The following GPC6 variants were observed in gnomAD, a reference collection of about 807,000 sequenced individuals.
The protein encoded by GPC6 is glypican-6.
Under a neutral mutation model 55.2 loss-of-function variants are expected in GPC6, and 14 were observed. The ratio of observed to expected loss-of-function variants is 0.25; its 90% CI spans 0.17 to 0.40. The LOEUF (loss-of-function observed/expected upper bound fraction) is 0.40. Ranked by LOEUF, GPC6 falls within the 10% of genes least tolerant of loss-of-function variation. The pLI, the probability that GPC6 is intolerant of heterozygous loss-of-function variation, is 1.00. For missense variants in GPC6, 641 were observed against 708.5 expected, an observed-to-expected ratio of 0.90 and a Z score of 1.08; for synonymous variants, 278 against 259.6, an observed-to-expected ratio of 1.07 and a Z score of -0.68.
chr13:93,724,128 A>C (rs1883546228), intron 2 of GPC6, among the ~76,000 whole-genome samples: 1 of 151,924 alleles, frequency 6.6e-6, no homozygotes, highest in Admixed American at 6.6e-5. Context: ...ACTTATTTTC[A>C]TAAGCTTTTA....
chr13:93,570,734 A>G (rs1876360149), intron 2 of GPC6, among the ~76,000 whole-genome samples: 1 of 152,142 alleles, frequency 6.6e-6, no homozygotes, highest in African/African-American at 2.4e-5. Flanking sequence ...ATTTGCCAAC[A>G]TTGGACGCAT....
intron 2 of GPC6, among the ~76,000 whole-genome samples, chr13:93,547,368 C>T (rs1206711718): frequency 2.0e-4 from 30 of 151,752 alleles, no homozygotes; most frequent in Admixed American, 2.0e-3. Flanking sequence ...AAAAACAAAA[C>T]CAACAAAACA....
intron 1 of GPC6, among the ~76,000 whole-genome samples, chr13:93,473,171 G>C (rs370628066): frequency 2.0e-5 from 3 of 152,164 alleles, no homozygotes; most frequent in Non-Finnish European, 4.4e-5. Context: ...GCCTCACCAG[G>C]GACCTGCCCC....
At chr13:93,898,824 G>A (rs1876167954) in intron 3 of GPC6, among the ~76,000 whole-genome samples, 1 of 151,544 alleles carries the variant, frequency 6.6e-6, no homozygotes, top group Admixed American at 6.6e-5. Flanking sequence ...GCCCAGGTGA[G>A]CCCCAGGAAG....
intron 2 of GPC6, among the ~76,000 whole-genome samples, chr13:93,639,601 C>T (rs1879828991): frequency 6.6e-6 from 1 of 151,948 alleles, no homozygotes; most frequent in Admixed American, 6.6e-5. Context: ...GATGAAGGTC[C>T]TGAGAGTGGT....
intron 4 of GPC6, among the ~76,000 whole-genome samples, chr13:94,217,812 T>C (rs1373540662): frequency 6.6e-6 from 1 of 152,174 alleles, no homozygotes; most frequent in Non-Finnish European, 1.5e-5. Context: ...TTAACTTACA[T>C]TGTATCCTAG....
At chr13:94,358,994 A>G (rs747920219) in intron 6 of GPC6, among the ~76,000 whole-genome samples, 6 of 152,212 alleles carry the variant, frequency 3.9e-5, no homozygotes, top group Non-Finnish European at 4.4e-5. Context: ...GTTCTGGACA[A>G]AAGTTCTAGC....
intron 1 of GPC6, among the ~76,000 whole-genome samples, chr13:93,345,151 C>T (rs1313538640): frequency 2.6e-5 from 4 of 152,078 alleles, no homozygotes; most frequent in Non-Finnish European, 5.9e-5. Context: ...TTCAGAACAT[C>T]CTGTCTGGAG....
At chr13:94,388,652 T>G (rs1880516073) in intron 7 of GPC6, among the ~76,000 whole-genome samples, 1 of 152,196 alleles carries the variant, frequency 6.6e-6, no homozygotes, top group Non-Finnish European at 1.5e-5. Flanking sequence ...TTTCTCATAG[T>G]TCTAGAGGCT....
At chr13:94,338,763 C>G (rs927333845) in intron 6 of GPC6, among the ~76,000 whole-genome samples, 1 of 152,092 alleles carries the variant, frequency 6.6e-6, no homozygotes, top group Admixed American at 6.6e-5. Flanking sequence ...CTGTAGTAAA[C>G]CCATGTAAAA....
At chr13:94,271,244 A>G (rs9524396) in intron 4 of GPC6, among the ~76,000 whole-genome samples, 32,983 of 150,010 alleles carry the variant, frequency 0.22, 3,914 homozygotes, top group Non-Finnish European at 0.26. Flanking sequence ...ACCCGTCTCG[A>G]CCTCCCAAAA....
At chr13:93,945,392 A>G (rs1052746178) in intron 3 of GPC6, among the ~76,000 whole-genome samples, 1 of 152,226 alleles carries the variant, frequency 6.6e-6, no homozygotes, top group African/African-American at 2.4e-5. Context: ...TGTATTTGGC[A>G]GACTCAAAGT....
intron 4 of GPC6, among the ~76,000 whole-genome samples, chr13:94,159,415 C>G (rs1888077278): frequency 6.6e-6 from 1 of 152,084 alleles, no homozygotes; most frequent in Non-Finnish European, 1.5e-5. Context: ...TGGCAGAAGG[C>G]AAACTGCAAA....
intron 1 of GPC6, among the ~76,000 whole-genome samples, chr13:93,370,997 A>G (rs1299183977): frequency 3.3e-5 from 5 of 152,140 alleles, no homozygotes; most frequent in African/African-American, 1.2e-4. Context: ...TTGTGGAAAT[A>G]AACAAGTTAG....
intron 1 of GPC6, among the ~76,000 whole-genome samples, chr13:93,497,617 G>A (rs958915805): frequency 6.6e-5 from 10 of 152,196 alleles, no homozygotes; most frequent in African/African-American, 1.2e-4. Flanking sequence ...AAACTTTTAT[G>A]TGAAAGAACA....
rs549885295 is a variant in GPC6, at chr13:93,850,860, T to C, written c.711+20315T>C. On this transcript the variant is annotated intron_variant, in intron 3 of 8. Transcript: ENST00000377047. ...CTTATTGGGAATGAAATTCCCAATG[T>C]GATGGTTATTGAGGTCTTAGACATA... 6.6e-5 allele frequency among the ~76,000 whole-genome samples: 10 copies of C among 152,048 alleles called. No individual in the cohort carries two copies. In the South Asian group the frequency reaches 1.9e-3, roughly 28 times the overall value.
At chr13:93,910,957 T>C (rs1305433730) in intron 3 of GPC6, among the ~76,000 whole-genome samples, 1 of 152,204 alleles carries the variant, frequency 6.6e-6, no homozygotes, top group Non-Finnish European at 1.5e-5. Context: ...AATTCAGCAC[T>C]GTGCTGTATC....
At chr13:94,252,840 G>A (rs1392318476) in intron 4 of GPC6, among the ~76,000 whole-genome samples, 1 of 152,006 alleles carries the variant, frequency 6.6e-6, no homozygotes, top group Non-Finnish European at 1.5e-5. Flanking sequence ...GGATAGAAAT[G>A]GGACTCAAGG....
At position 93,535,658 on chromosome 13, in the gene GPC6, G is replaced by A. The variant is rs138288657; in HGVS notation, c.161-9605G>A. Among the ~76,000 whole-genome samples, 1,094 of 145,594 alleles carry A rather than the reference G, an allele frequency of 7.5e-3. 4 individuals are homozygous for A. The highest frequency in any genetic ancestry group is 0.012 in the Non-Finnish European group (819 of 67,386). On this transcript the variant is annotated intron_variant, in intron 1 of 8. Transcript: ENST00000377047. Reference sequence around the variant, plus strand: ...AAAATAGGTGATGGACTGTGTATCAGCCACCATTTGCAGATACTTTTTTAG... The same window carrying A: ...AAAATAGGTGATGGACTGTGTATCAACCACCATTTGCAGATACTTTTTTAG...
Sources: allele counts gnomAD v4.1 joint callset (sites outside exome capture counted in the v4.1 genomes callset), GRCh38; gene constraint gnomAD v4.1.1; transcripts MANE v1.5; gene names NCBI Gene and HGNC (gene_info 2026-07-23, HGNC 2026-07-21).